The following ABCD3 variants were observed in gnomAD, a reference collection of about 807,000 sequenced individuals.
The protein encoded by ABCD3 is ATP-binding cassette sub-family D member 3.
Under a neutral mutation model 105.5 loss-of-function variants are expected in ABCD3, and 41 were observed. That is an observed-to-expected ratio of 0.39 (90% CI 0.30 to 0.50). ABCD3 has a LOEUF of 0.50. Ranked by LOEUF, ABCD3 falls within the 20% of genes least tolerant of loss-of-function variation. The pLI is 0.84. For missense variants in ABCD3, 622 were observed against 806.3 expected, an observed-to-expected ratio of 0.77 and a Z score of 2.77; for synonymous variants, 258 against 269.0, an observed-to-expected ratio of 0.96 and a Z score of 0.40.
intron 1 of ABCD3, chr1:94,419,244 G>A (rs1659157240): frequency 1.0e-6 from 1 of 979,908 alleles, no homozygotes; most frequent in African/African-American, 1.7e-5. Flanking sequence ...ATCCGGAAAG[G>A]CTGGATCGGT....
chr1:94,463,684 G>A (rs764870891), intron 2 of ABCD3, among the ~76,000 whole-genome samples: 3 of 152,048 alleles, frequency 2.0e-5, no homozygotes, highest in Non-Finnish European at 4.4e-5. Flanking sequence ...GTCTCGTCAC[G>A]TGTTTCCTTA....
chr1:94,415,751 C>G (rs1658987709), upstream of ABCD3, among the ~76,000 whole-genome samples: 1 of 152,210 alleles, frequency 6.6e-6, no homozygotes, highest in Non-Finnish European at 1.5e-5. Flanking sequence ...TTTGATATTA[C>G]ATACAGATCT....
intron 6 of ABCD3, 46 bp from the exon 7 acceptor site, chr1:94,475,568 T>C: frequency 6.3e-7 from 1 of 1,580,710 alleles, no homozygotes; most frequent in Non-Finnish European, 8.7e-7. Flanking sequence ...TTGTTTTATC[T>C]TTAAAGTCAC....
the ABCD3 span, among the ~76,000 whole-genome samples, chr1:94,402,125 G>A: frequency 6.6e-6 from 1 of 152,208 alleles, no homozygotes; most frequent in South Asian, 2.1e-4. Flanking sequence ...CTTTTCAGCA[G>A]TTCTTCCTTT....
chr1:94,450,374 G>T (rs1264928631), intron 1 of ABCD3, among the ~76,000 whole-genome samples: 7 of 152,258 alleles, frequency 4.6e-5, no homozygotes, highest in Non-Finnish European at 8.8e-5. Context: ...AATCTCTGCA[G>T]TACTGTGACA....
At position 94,489,833 on chromosome 1, in the gene ABCD3, C is replaced by T. The variant is rs781082544; in HGVS notation, c.1249+17C>T. 2 of 1,611,602 alleles carry T rather than the reference C, an allele frequency of 1.2e-6. No individual in the cohort carries two copies. Among genetic ancestry groups the T allele is most frequent in the South Asian group, 2.2e-5 (2 of 91,018 alleles). On this transcript the variant is annotated intron_variant, in intron 14 of 22. Coordinates refer to ENST00000370214, the MANE Select transcript of ABCD3 (RefSeq NM_002858.4). ...AGGAAAAGGGTAAATATGAGTGTCA[C>T]AGTTTAAGGTCACAATTTTAAGTGT...
the ABCD3 span, among the ~76,000 whole-genome samples, chr1:94,395,723 T>A: frequency 2.0e-5 from 3 of 152,320 alleles, no homozygotes; most frequent in African/African-American, 7.2e-5. Flanking sequence ...AAGTAATTGC[T>A]GTTTTTGCCA....
At chr1:94,389,134 T>C in the ABCD3 span, among the ~76,000 whole-genome samples, 39 of 152,304 alleles carry the variant, frequency 2.6e-4, 1 homozygote, top group East Asian at 7.1e-3. Flanking sequence ...TTATAGAATG[T>C]AGTAGGCCCA....
At chr1:94,512,417 GT>G (rs1650721781) in intron 21 of ABCD3, among the ~76,000 whole-genome samples, 1 of 151,272 alleles carries the variant, frequency 6.6e-6, no homozygotes, top group African/African-American at 2.4e-5. Flanking sequence ...ATTTAAATAT[GT>G]TGTTTTATAT....
intron 9 of ABCD3, chr1:94,481,566 A>G (rs1649027793): frequency 6.6e-6 from 1 of 152,262 alleles, no homozygotes; most frequent in African/African-American, 2.4e-5. Flanking sequence ...GTATGGCATT[A>G]TCAGGGCTCT....
intron 2 of ABCD3, among the ~76,000 whole-genome samples, chr1:94,462,656 C>CT (rs1216507196): frequency 6.6e-6 from 1 of 152,102 alleles, no homozygotes; most frequent in Non-Finnish European, 1.5e-5. Flanking sequence ...TCTTGTAATT[C>CT]TTTTTTTCTA....
intron 15 of ABCD3, 40 bp downstream of exon 15, chr1:94,490,015 G>A: frequency 1.3e-6 from 2 of 1,534,666 alleles, no homozygotes; most frequent in South Asian, 2.2e-5. Context: ...ATAAATGTTT[G>A]TTAAACTTCA....
chr1:94,509,915 T>G (rs982825976), intron 21 of ABCD3, among the ~76,000 whole-genome samples: 1 of 152,180 alleles, frequency 6.6e-6, no homozygotes, highest in African/African-American at 2.4e-5. Flanking sequence ...AGTCTATCAA[T>G]TTTGTTGATC....
chr1:94,448,700 G>A (rs950326951), intron 1 of ABCD3, among the ~76,000 whole-genome samples: 10 of 152,286 alleles, frequency 6.6e-5, no homozygotes, highest in Middle Eastern at 3.4e-3. Flanking sequence ...AGTGTTTTGC[G>A]GTGATGGGCA....
At chr1:94,408,431 A>C in the ABCD3 span, among the ~76,000 whole-genome samples, 2 of 141,392 alleles carry the variant, frequency 1.4e-5, no homozygotes, top group Non-Finnish European at 3.1e-5. Flanking sequence ...AAAAAAATCC[A>C]AAAAAAAAAA....
chr1:94,516,207 T>C (rs1348500522), intron 22 of ABCD3, among the ~76,000 whole-genome samples: 4 of 152,004 alleles, frequency 2.6e-5, no homozygotes, highest in African/African-American at 9.7e-5. Context: ...GCTTCCTTTG[T>C]ATAATGAAGT....
intron 21 of ABCD3, among the ~76,000 whole-genome samples, chr1:94,509,609 A>G (rs1466498679): frequency 1.3e-5 from 2 of 152,108 alleles, no homozygotes; most frequent in Non-Finnish European, 2.9e-5. Flanking sequence ...CTGTGACTCC[A>G]TCTGGTCCTG....
intron 3 of ABCD3, 123 bp downstream of exon 3, chr1:94,464,996 A>G (rs1350927227): frequency 1.2e-6 from 1 of 825,252 alleles, no homozygotes; most frequent in Non-Finnish European, 2.0e-6. Context: ...CTGTACAAGC[A>G]TGGCACAGCA....
Position 94,418,443 on chromosome 1 carries a change from G to GCCGCCGCCGCCGCCGCCGCCGCCGCCGC in ABCD3, c.-35_-34insCGCCGCCGCCGCCGCCGCCGCCGCCGCC, listed in dbSNP as rs747584340. ...GGTAGCCGCCGCCGCCGCCGCCGCCGCGTCCCCTCGCCGGCTCGCTGGTAC... is the reference window on the plus strand; with the variant it reads ...GGTAGCCGCCGCCGCCGCCGCCGCCGCCGCCGCCGCCGCCGCCGCCGCCGCCGCCGTCCCCTCGCCGGCTCGCTGGTAC... On this transcript the variant is annotated 5_prime_UTR_variant, in exon 1 of 23. Transcript: ENST00000370214. 1.9e-6 allele frequency: 3 copies of GCCGCCGCCGCCGCCGCCGCCGCCGCCGC among 1,549,476 alleles called. No individual in the cohort carries two copies. Among genetic ancestry groups the GCCGCCGCCGCCGCCGCCGCCGCCGCCGC allele is most frequent in the Non-Finnish European group, 1.7e-6 (2 of 1,146,446 alleles).
Sources: allele counts gnomAD v4.1 joint callset (sites outside exome capture counted in the v4.1 genomes callset), GRCh38; gene constraint gnomAD v4.1.1; transcripts MANE v1.5; gene names NCBI Gene and HGNC (gene_info 2026-07-23, HGNC 2026-07-21).